EXOC6B: variants seen among roughly 807,000 people sequenced by gnomAD.
EXOC6B encodes SEC15 homolog B.
A neutral mutation model predicts 113.5 loss-of-function variants in EXOC6B; 54 were observed. The observed-to-expected ratio is 0.48, with a 90% CI of 0.38 to 0.60. The LOEUF is 0.60. Ranked by LOEUF, EXOC6B falls within the 20% of genes least tolerant of loss-of-function variation. The probability of loss-of-function intolerance (pLI) is 0.00; values close to 1 mark genes in which losing one functional copy is unlikely to be tolerated. For synonymous variants in EXOC6B, 357 were observed against 339.0 expected (o/e 1.05, Z -0.58); for missense variants, 797 against 977.5 (o/e 0.82, Z 2.46).
rs908320010 is a variant in EXOC6B, at chr2:72,515,304, C to A, written c.916-178G>T. On this transcript the variant is annotated intron_variant, in intron 8 of 21. Coordinates refer to ENST00000272427, the MANE Select transcript of EXOC6B (RefSeq NM_015189.3). The stretch of plus-strand genomic sequence containing the variant: ...CAAATAACTATTACCATGTATTGAA[C>A]CTTAGTTACAAACCTGTAAGGATGT... The A allele has an allele frequency of 8.2e-6, 7 of 858,632 alleles. No individual in the cohort carries two copies. In the East Asian group the frequency reaches 1.6e-4, roughly 20 times the overall value. 53.2% of individuals were successfully genotyped at this position (858,632 alleles called of 1,614,324 possible).
intron 20 of EXOC6B, among the ~76,000 whole-genome samples, chr2:72,287,777 T>G (rs542658234): frequency 6.6e-6 from 1 of 152,206 alleles, no homozygotes; most frequent in Non-Finnish European, 1.5e-5. Context: ...TATTCACTTA[T>G]GTATTAAAGA....
At chr2:72,435,769 A>G (rs1695822623) in intron 18 of EXOC6B, among the ~76,000 whole-genome samples, 1 of 147,012 alleles carries the variant, frequency 6.8e-6, no homozygotes, top group South Asian at 2.1e-4. Context: ...TCCTCCATCC[A>G]TTTATTTTCA....
rs574411746 is a variant in EXOC6B, at chr2:72,741,103, C to CAA, written c.279+199_279+200dup. ...TGGGCGACAGAGCGAGACTCCGCCT[C>CAA]AAAAAAAAAAGGGGGGGTGGGTATT... On this transcript the variant is annotated intron_variant, in intron 2 of 21. Coordinates refer to ENST00000272427, the MANE Select transcript of EXOC6B (RefSeq NM_015189.3). Among the ~76,000 whole-genome samples the CAA allele has an allele frequency of 8.7e-5, 11 of 126,956 alleles. No homozygotes were observed. In the East Asian group the frequency reaches 1.7e-3, roughly 20 times the overall value. The allele number at this position is 126,956 out of a possible 152,430, so 83.3% of individuals were successfully genotyped here.
chr2:72,671,189 G>C (rs976589191), intron 6 of EXOC6B, among the ~76,000 whole-genome samples: 1 of 152,166 alleles, frequency 6.6e-6, no homozygotes, highest in South Asian at 2.1e-4. Flanking sequence ...AAAAAGCTTT[G>C]GCACAATAAA....
Position 72,547,341 on chromosome 2 carries a change from G to A in EXOC6B, c.915+12112C>T, listed in dbSNP as rs141200319. 4.2e-3 allele frequency among the ~76,000 whole-genome samples: 633 copies of A among 152,318 alleles called. 6 individuals are homozygous for A. Among genetic ancestry groups the A allele is most frequent in the African/African-American group, 0.015 (611 of 41,588 alleles). ...TTTTAATTGCTATCGCTGGACCCAA[G>A]ATGTCAGAAATCTTTAAACTTTTTA... is the stretch of plus-strand genomic sequence containing the variant. On this transcript the variant is annotated intron_variant, in intron 8 of 21. Transcript: ENST00000272427.
intron 6 of EXOC6B, among the ~76,000 whole-genome samples, chr2:72,651,981 G>C (rs1674200271): frequency 6.6e-6 from 1 of 152,106 alleles, no homozygotes; most frequent in Non-Finnish European, 1.5e-5. Context: ...AATTTGGCCT[G>C]CCTCTGTTAG....
chr2:72,461,195 C>A (rs2105399745), intron 18 of EXOC6B, among the ~76,000 whole-genome samples: 1 of 110,158 alleles, frequency 9.1e-6, no homozygotes, highest in South Asian at 3.0e-4. Context: ...ACATCACACT[C>A]TGGGGACTGT....
intron 6 of EXOC6B, among the ~76,000 whole-genome samples, chr2:72,651,721 G>A (rs112456245): frequency 6.6e-6 from 1 of 151,944 alleles, no homozygotes; most frequent in Non-Finnish European, 1.5e-5. Context: ...TCAGCCTCCC[G>A]AGTAGCTGGG....
chr2:72,767,828 A>AAAAAAAAAAAAAAAAAAAAAAAAAC (rs1479629027), intron 1 of EXOC6B, among the ~76,000 whole-genome samples: 1 of 139,974 alleles, frequency 7.1e-6, no homozygotes, highest in Non-Finnish European at 1.5e-5. Context: ...AAAAAAAAAA[A>AAAAAAAAAAAAAAAAAAAAAAAAAC]AAAAAGACCA....
chr2:72,493,464 GA>G lies in EXOC6B; in HGVS notation c.1554-1036del, dbSNP rs146955133. Among the ~76,000 whole-genome samples the G allele has an allele frequency of 3.9e-3, 564 of 145,844 alleles. 4 individuals carry two copies. Among genetic ancestry groups the G allele is most frequent in the African/African-American group, 9.9e-3 (392 of 39,734 alleles). Reference sequence around the variant, plus strand: ...TATTCACATGCAAGCAAGATTAAAAGAAAAAAAAAACCATATCAGAAGTGTT... The same window carrying G: ...TATTCACATGCAAGCAAGATTAAAAGAAAAAAAAACCATATCAGAAGTGTT... On this transcript the variant is annotated intron_variant, in intron 15 of 21. Coordinates refer to ENST00000272427, the MANE Select transcript of EXOC6B (RefSeq NM_015189.3).
In EXOC6B at chr2:72,666,678, G is replaced by C. The variant is rs556814466; in HGVS notation, c.669+51425C>G. ...GGAAGTGATAAAGGACTTCAGTAAA[G>C]TTTCAGGATACAAAATCAATGGACA... On this transcript the variant is annotated intron_variant, in intron 6 of 21. Coordinates refer to ENST00000272427, the MANE Select transcript of EXOC6B (RefSeq NM_015189.3). 1.2e-4 allele frequency among the ~76,000 whole-genome samples: 18 copies of C among 152,058 alleles called. No individual in the cohort carries two copies. In the South Asian group the frequency reaches 3.3e-3, roughly 28 times the overall value.
chr2:72,564,054 T>C (rs1444142502), intron 7 of EXOC6B, among the ~76,000 whole-genome samples: 1 of 152,142 alleles, frequency 6.6e-6, no homozygotes, highest in Non-Finnish European at 1.5e-5. Context: ...ATGATAACTC[T>C]ACCAGCTTTA....
At chr2:72,375,258 A>AC (rs1558605189) in intron 19 of EXOC6B, among the ~76,000 whole-genome samples, 1 of 152,184 alleles carries the variant, frequency 6.6e-6, no homozygotes, top group African/African-American at 2.4e-5. Context: ...TAAAACAAGT[A>AC]TAAAAAAATC....
intron 20 of EXOC6B, among the ~76,000 whole-genome samples, chr2:72,266,593 T>C (rs1356350575): frequency 7.2e-5 from 11 of 152,206 alleles, no homozygotes. Flanking sequence ...CTGAGGGCTC[T>C]GTTCTGTTCC....
chr2:72,459,273 C>T (rs1325348887), intron 18 of EXOC6B, among the ~76,000 whole-genome samples: 3 of 151,924 alleles, frequency 2.0e-5, no homozygotes, highest in African/African-American at 7.3e-5. Context: ...AAACTGGAAG[C>T]ATTCTCTTTG....
chr2:72,585,179 CA>C (rs139376212), intron 6 of EXOC6B, among the ~76,000 whole-genome samples: 21,061 of 151,964 alleles, frequency 0.14, 4,190 homozygotes, highest in African/African-American at 0.44. Context: ...TACTGAGATG[CA>C]AAAATGCATA....
intron 17 of EXOC6B, among the ~76,000 whole-genome samples, chr2:72,472,764 T>C (rs950431881): frequency 2.0e-5 from 3 of 152,144 alleles, no homozygotes; most frequent in Non-Finnish European, 2.9e-5. Context: ...CCTTGAGGTA[T>C]ATTGTTAGAT....
intron 1 of EXOC6B, among the ~76,000 whole-genome samples, chr2:72,797,321 A>C (rs915172922): frequency 6.6e-6 from 1 of 152,348 alleles, no homozygotes; most frequent in East Asian, 1.9e-4. Context: ...CTTTTCTCCG[A>C]TCCTCTCAGA....
intron 17 of EXOC6B, among the ~76,000 whole-genome samples, chr2:72,466,612 G>T (rs1293120013): frequency 6.6e-6 from 1 of 152,042 alleles, no homozygotes. Flanking sequence ...AACATAGTTG[G>T]TGACTATGTT....
Sources: allele counts gnomAD v4.1 joint callset (sites outside exome capture counted in the v4.1 genomes callset), GRCh38; gene constraint gnomAD v4.1.1; transcripts MANE v1.5; gene names NCBI Gene and HGNC (gene_info 2026-07-23, HGNC 2026-07-21).